The following DAB1 variants were observed in gnomAD, a reference collection of about 807,000 sequenced individuals.
DAB1 encodes the protein DAB adaptor protein 1.
In DAB1, 15 loss-of-function variants were observed where a neutral mutation model predicts 64.6. That is an observed-to-expected ratio of 0.23 (90% CI 0.16 to 0.36). The LOEUF is 0.36. Ranked by LOEUF, DAB1 falls within the 10% of genes least tolerant of loss-of-function variation. DAB1 has a pLI of 1.00. For missense variants in DAB1, 596 were observed against 706.7 expected (o/e 0.84, Z 1.78); for synonymous variants, 235 against 251.9 (o/e 0.93, Z 0.64).
chr1:58,197,145 G>A (rs540134396), intron 4 of DAB1, among the ~76,000 whole-genome samples: 4 of 152,286 alleles, frequency 2.6e-5, no homozygotes, highest in South Asian at 2.1e-4. Context: ...GAATTATAAC[G>A]TGGAGCAGAA....
At chr1:58,202,833 C>A (rs1307211649) in intron 4 of DAB1, among the ~76,000 whole-genome samples, 2 of 152,174 alleles carry the variant, frequency 1.3e-5, no homozygotes, top group Non-Finnish European at 2.9e-5. Context: ...AAATCATTCT[C>A]CACAGGTAGG....
At chr1:58,510,962 A>G (rs563575465) in intron 2 of DAB1, among the ~76,000 whole-genome samples, 1 of 152,268 alleles carries the variant, frequency 6.6e-6, no homozygotes, top group South Asian at 2.1e-4. Flanking sequence ...AAAACTGATG[A>G]AAGAAATTAA....
At chr1:57,484,111 T>A (rs1234201731) in intron 7 of DAB1, among the ~76,000 whole-genome samples, 1 of 152,048 alleles carries the variant, frequency 6.6e-6, no homozygotes, top group Non-Finnish European at 1.5e-5. Flanking sequence ...GAAAGAAGCA[T>A]TTCCTGGCAG....
intron 5 of DAB1, among the ~76,000 whole-genome samples, chr1:58,092,552 C>T (rs894913192): frequency 6.6e-6 from 1 of 152,110 alleles, no homozygotes; most frequent in Non-Finnish European, 1.5e-5. Context: ...AAAGTTCAAC[C>T]CCCACTCCCC....
chr1:57,262,150 G>C (rs1334846131), intron 2 of DAB1, among the ~76,000 whole-genome samples: 2 of 152,106 alleles, frequency 1.3e-5, no homozygotes, highest in African/African-American at 4.8e-5. Context: ...CTACATGTTG[G>C]GCAAGTTGAA....
chr1:57,424,179 C>G (rs1233824408), upstream of DAB1: 1 of 149,414 alleles, frequency 6.7e-6, no homozygotes, highest in Non-Finnish European at 1.5e-5. Flanking sequence ...CCCGGCGCCC[C>G]GCGGCACCGC....
At chr1:58,541,408 A>G (rs1646612732) in intron 1 of DAB1, 1 of 149,748 alleles carries the variant, frequency 6.7e-6, no homozygotes, top group Admixed American at 6.7e-5. Flanking sequence ...AAACTAATCC[A>G]TAGTGACAGA....
At chr1:58,148,786 A>C (rs113854823) in intron 5 of DAB1, among the ~76,000 whole-genome samples, 3 of 150,358 alleles carry the variant, frequency 2.0e-5, no homozygotes, top group Non-Finnish European at 4.4e-5. Context: ...CCCCCCCCCC[A>C]ACCTCATGAT....
chr1:57,534,341 A>T (rs1272129015), intron 7 of DAB1, among the ~76,000 whole-genome samples: 1 of 152,132 alleles, frequency 6.6e-6, no homozygotes, highest in African/African-American at 2.4e-5. Context: ...GGGAAAGTGG[A>T]TTTGATGTGA....
chr1:57,821,303 A>C (rs1195217358), downstream of DAB1, among the ~76,000 whole-genome samples: 2 of 151,922 alleles, frequency 1.3e-5, no homozygotes, highest in Non-Finnish European at 2.9e-5. Flanking sequence ...GATAGAGGGC[A>C]TAATAATAAT....
intron 4 of DAB1, among the ~76,000 whole-genome samples, chr1:57,136,189 T>G (rs769858168): frequency 6.6e-6 from 1 of 152,092 alleles, no homozygotes; most frequent in Non-Finnish European, 1.5e-5. Context: ...AGTCAAAAGA[T>G]GTACATGTAT....
chr1:57,724,660 G>A (rs928165352), intron 6 of DAB1, among the ~76,000 whole-genome samples: 1 of 152,092 alleles, frequency 6.6e-6, no homozygotes, highest in Non-Finnish European at 1.5e-5. Context: ...CCCCCAGGAG[G>A]CCTATTCTTT....
chr1:57,270,786 A>G (rs1670933056), intron 2 of DAB1, among the ~76,000 whole-genome samples: 3 of 152,250 alleles, frequency 2.0e-5, no homozygotes, highest in South Asian at 4.1e-4. Flanking sequence ...CCCTCCACCA[A>G]TACTCACTGA....
intron 4 of DAB1, among the ~76,000 whole-genome samples, chr1:58,275,646 T>C (rs1661425999): frequency 6.6e-6 from 1 of 152,130 alleles, no homozygotes; most frequent in African/African-American, 2.4e-5. Flanking sequence ...ATGGCTGTTA[T>C]TAAAAACAAA....
intron 2 of DAB1, among the ~76,000 whole-genome samples, chr1:57,271,932 C>A (rs1017945493): frequency 5.9e-5 from 9 of 152,158 alleles, no homozygotes; most frequent in African/African-American, 2.2e-4. Context: ...GAATCTGGAA[C>A]TGGAACCCTG....
chr1:57,626,879 G>A (rs1033015313), intron 7 of DAB1, among the ~76,000 whole-genome samples: 1 of 152,136 alleles, frequency 6.6e-6, no homozygotes, highest in Non-Finnish European at 1.5e-5. Flanking sequence ...CACCTTGGGG[G>A]TTAGAATTCC....
intron 1 of DAB1, among the ~76,000 whole-genome samples, chr1:57,831,268 G>A (rs1652574973): frequency 6.6e-6 from 1 of 152,192 alleles, no homozygotes; most frequent in African/African-American, 2.4e-5. Flanking sequence ...ACCCTTCCTG[G>A]GAGGGAGAGA....
At chr1:58,071,549 G>A (rs538692103) in intron 5 of DAB1, 1 of 152,262 alleles carries the variant, frequency 6.6e-6, no homozygotes, top group African/African-American at 2.4e-5. Flanking sequence ...TGGTTCACCA[G>A]GTGATGCCAA....
At chr1:58,222,530 T>C (rs1032760342) in intron 4 of DAB1, among the ~76,000 whole-genome samples, 3 of 152,364 alleles carry the variant, frequency 2.0e-5, no homozygotes, top group African/African-American at 7.2e-5. Flanking sequence ...AGAAGCACAA[T>C]ACCTTACAAT....
Sources: gnomAD v4.1 joint callset for allele counts (sites outside exome capture counted in the v4.1 genomes callset) on GRCh38, gnomAD v4.1.1 for gene constraint, MANE v1.5 for transcripts, NCBI Gene and HGNC (gene_info 2026-07-23, HGNC 2026-07-21) for gene names.